Variants in STRAP observed in about 807,000 individuals in gnomAD.
The protein encoded by STRAP is serine-threonine kinase receptor-associated protein.
Under a neutral mutation model 47.0 loss-of-function variants are expected in STRAP, and 16 were observed. That is an observed-to-expected ratio of 0.34 (90% CI 0.23 to 0.52). The LOEUF (loss-of-function observed/expected upper bound fraction) is 0.52, where lower values mean the gene tolerates loss of function less well. Ranked by LOEUF, STRAP falls within the 20% of genes least tolerant of loss-of-function variation. The pLI is 0.96. For missense variants in STRAP, 293 were observed against 420.0 expected, an observed-to-expected ratio of 0.70 and a Z score of 2.64; for synonymous variants, 130 against 142.7, an observed-to-expected ratio of 0.91 and a Z score of 0.63.
intron 6 of STRAP, 69 bp from the exon 7 acceptor site, chr12:15,897,813 C>G: frequency 9.8e-7 from 1 of 1,020,596 alleles, no homozygotes; most frequent in South Asian, 2.6e-5. Context: ...AATTTAAGAA[C>G]AGTTCAAATG....
chr12:15,897,822 T>C, intron 6 of STRAP, 60 bp from the exon 7 acceptor site: 1 of 1,254,390 alleles, frequency 8.0e-7, no homozygotes, highest in Non-Finnish European at 1.1e-6. Context: ...ACAGTTCAAA[T>C]GTAACTCGTT....
At chr12:15,891,237 A>C (rs946401885) in intron 4 of STRAP, among the ~76,000 whole-genome samples, 6 of 152,224 alleles carry the variant, frequency 3.9e-5, no homozygotes, top group Non-Finnish European at 5.9e-5. Flanking sequence ...TTTTATCATT[A>C]AGTTTTAAAA....
At chr12:15,889,335 G>C (rs928139642) in intron 2 of STRAP, among the ~76,000 whole-genome samples, 1 of 152,080 alleles carries the variant, frequency 6.6e-6, no homozygotes, top group African/African-American at 2.4e-5. Flanking sequence ...CTGATAGTTT[G>C]GGGGAAGTTA....
chr12:15,890,774 T>A lies in STRAP; in HGVS notation c.403+105T>A, dbSNP rs1226091750. On this transcript the variant is annotated intron_variant, in intron 4 of 9. Transcript: ENST00000419869. The surrounding 1 kb of genome is among the most constrained non-coding windows in gnomAD (Gnocchi z 4.5). ...ACTCAAATTTGGAAAATAAAGATAGTCATGGCCGGGCACGGTGGCTCATAC... is the reference window on the plus strand; with the variant it reads ...ACTCAAATTTGGAAAATAAAGATAGACATGGCCGGGCACGGTGGCTCATAC... The A allele has an allele frequency of 3.9e-6, 4 of 1,012,892 alleles. No individual in the cohort carries two copies. The highest frequency in any genetic ancestry group is 5.8e-6 in the Non-Finnish European group (4 of 688,396). The allele number at this position is 1,012,892 out of a possible 1,614,324, so 62.7% of individuals were successfully genotyped here.
At chr12:15,899,327 A>C (rs1014458309) in intron 7 of STRAP, among the ~76,000 whole-genome samples, 4 of 152,250 alleles carry the variant, frequency 2.6e-5, no homozygotes, top group Non-Finnish European at 1.5e-5. Context: ...TAAAGGTACT[A>C]CTTGAATATA....
At chr12:15,893,115 A>G (rs1379947048) in intron 4 of STRAP, among the ~76,000 whole-genome samples, 1 of 152,130 alleles carries the variant, frequency 6.6e-6, no homozygotes, top group Non-Finnish European at 1.5e-5. Flanking sequence ...GCCCCTAGAG[A>G]CAGCAGTGAG....
At chr12:15,898,085 C>CAT (rs1025877925) in intron 7 of STRAP, 67 bp downstream of exon 7, 1 of 1,331,760 alleles carries the variant, frequency 7.5e-7, no homozygotes, top group African/African-American at 1.7e-5. Flanking sequence ...ATTAACACCT[C>CAT]ATTTATATAT....
rs1948063846 is a variant in STRAP, at chr12:15,896,828, T to C, written c.639-1054T>C. The stretch of plus-strand genomic sequence containing the variant: ...TTAGTTATACATGACACTTAATTGA[T>C]TTCCATAAGGATTATACCACATTAC... On this transcript the variant is annotated intron_variant, in intron 6 of 9. Coordinates refer to ENST00000419869, the MANE Select transcript of STRAP (RefSeq NM_007178.4). The surrounding 1 kb of genome is among the most constrained non-coding windows in gnomAD (Gnocchi z 4.1). Among the ~76,000 whole-genome samples, 1 of 152,226 alleles carries C rather than the reference T, an allele frequency of 6.6e-6. No individual in the cohort carries two copies. The highest frequency in any genetic ancestry group is 1.5e-5 in the Non-Finnish European group (1 of 68,034).
At position 15,895,499 on chromosome 12, in the gene STRAP, A is replaced by G. The variant is rs759630138; in HGVS notation, c.638+3A>G. On this transcript the variant is annotated splice_donor_region_variant and intron_variant, in intron 6 of 9. Coordinates refer to ENST00000419869, the MANE Select transcript of STRAP (RefSeq NM_007178.4). Reference sequence around the variant, plus strand: ...ATTGCTTTTCATAGTGCAGTAAGGTATGTCCAAGAAATACTTTCATTTTCT... The same window carrying G: ...ATTGCTTTTCATAGTGCAGTAAGGTGTGTCCAAGAAATACTTTCATTTTCT... 2 of 1,584,866 alleles carry G rather than the reference A, an allele frequency of 1.3e-6. No individual in the cohort carries two copies. The highest frequency in any genetic ancestry group is 4.5e-5 in the East Asian group (2 of 44,072).
At chr12:15,893,544 C>T (rs1340602277) in intron 4 of STRAP, among the ~76,000 whole-genome samples, 1 of 143,544 alleles carries the variant, frequency 7.0e-6, no homozygotes, top group Non-Finnish European at 1.5e-5. Flanking sequence ...TACAATAATG[C>T]TTTTATATTT....
rs758070802 is a variant in STRAP at position 15,899,917 on chromosome 12, A to G, written c.789A>G (p.Gly263=). The G allele has an allele frequency of 6.2e-7, 1 of 1,612,678 alleles. No homozygotes were observed. Among genetic ancestry groups the G allele is most frequent in the Non-Finnish European group, 8.5e-7 (1 of 1,179,638 alleles). ...CTTCTTTTTCAGAATCCTACAAGGG[A>G]CACTTTGGTCCTATTCACTGTGTGA... ...NSGEELESYK[G]HFGPIHCVRF... Residue 263 remains glycine, a synonymous_variant, in exon 8 of 10, where the codon GGA becomes GGG. Coordinates refer to ENST00000419869, the MANE Select transcript of STRAP (RefSeq NM_007178.4).
intron 4 of STRAP, among the ~76,000 whole-genome samples, chr12:15,891,430 T>G (rs1948013867): frequency 1.3e-5 from 2 of 152,224 alleles, no homozygotes; most frequent in Non-Finnish European, 2.9e-5. Context: ...CACTAAATAG[T>G]CTATGAACTG....
At chr12:15,885,098 T>C (rs1168408990) in intron 2 of STRAP, among the ~76,000 whole-genome samples, 1 of 152,138 alleles carries the variant, frequency 6.6e-6, no homozygotes, top group African/African-American at 2.4e-5. Context: ...CACTTCATTG[T>C]TTAAACTGAT....
At chr12:15,897,056 TC>T (rs1056505169) in intron 6 of STRAP, among the ~76,000 whole-genome samples, 1 of 152,212 alleles carries the variant, frequency 6.6e-6, no homozygotes, top group African/African-American at 2.4e-5. Flanking sequence ...GTTAGGCAAA[TC>T]CCATGTTGGT....
chr12:15,903,018 A>G lies in STRAP; in HGVS notation c.*40A>G, dbSNP rs1434295092. ...TGCAGTTAGTATACAACTGACTAAA[A>G]CAAGCAAGCAGAGAAAAGCATCAGC... On this transcript the variant is annotated 3_prime_UTR_variant, in exon 10 of 10. Transcript: ENST00000419869. 8 of 1,468,162 alleles carry G rather than the reference A, an allele frequency of 5.4e-6. No individual in the cohort carries two copies. The highest frequency in any genetic ancestry group is 7.2e-6 in the Non-Finnish European group (8 of 1,112,652). The allele number at this position is 1,468,162 out of a possible 1,614,324, so 90.9% of individuals were successfully genotyped here. A position where few individuals can be genotyped will look rare whatever the true frequency, so the allele number is the denominator to read the frequency against.
In STRAP at chr12:15,899,315, C is replaced by T. The variant is rs912546581; in HGVS notation, c.776-589C>T. Reference sequence around the variant, plus strand: ...AGAAAGTAAATGAGAAAGGTTCATACTTAAAGGTACTACTTGAATATAACA... The same window carrying T: ...AGAAAGTAAATGAGAAAGGTTCATATTTAAAGGTACTACTTGAATATAACA... On this transcript the variant is annotated intron_variant, in intron 7 of 9. Transcript: ENST00000419869. 4.6e-5 allele frequency among the ~76,000 whole-genome samples: 7 copies of T among 152,308 alleles called. 1 individual carries two copies. The highest frequency in any genetic ancestry group is 6.8e-3 in the Middle Eastern group (2 of 294).
chr12:15,884,171 T>G (rs187536901), intron 2 of STRAP, among the ~76,000 whole-genome samples: 5 of 152,320 alleles, frequency 3.3e-5, no homozygotes, highest in Admixed American at 3.3e-4. Flanking sequence ...TCTAAAGCAT[T>G]CTTGATTTTC....
chr12:15,894,282 A>G lies in STRAP; in HGVS notation c.500+139A>G. On this transcript the variant is annotated intron_variant, in intron 5 of 9. Transcript: ENST00000419869. The surrounding 1 kb of genome is among the most constrained non-coding windows in gnomAD (Gnocchi z 4.9). ...TAGACCAGCCTGGCCGACATGGCGA[A>G]ATACTGTCTCTATGAAAATTACAAA... The G allele has an allele frequency of 4.9e-6, 3 of 609,820 alleles. No individual in the cohort carries two copies. Among genetic ancestry groups the G allele is most frequent in the Non-Finnish European group, 2.9e-6 (1 of 346,358 alleles). The allele number at this position is 609,820 out of a possible 1,614,324, so 37.8% of individuals were successfully genotyped here.
rs745431738 is a variant in STRAP at position 15,899,977 on chromosome 12, TTC to T, written c.850_851del (p.Ser284ArgfsTer25). On this transcript the variant is annotated frameshift_variant, in exon 8 of 10. Transcript: ENST00000419869. LOFTEE classifies it high-confidence loss of function. Reference sequence around the variant, plus strand: ...CTGATGGAGAACTCTATGCCAGTGGTTCAGAAGATGGAACATTGAGACTATGG... The same window carrying T: ...CTGATGGAGAACTCTATGCCAGTGGTAGAAGATGGAACATTGAGACTATGG... Reference protein sequence around the residue: ...SPDGELYASGSEDGTLRLWQT... With the variant: ...SPDGELYASGXEDGTLRLWQT... 1 of 1,613,854 alleles carries T rather than the reference TTC, an allele frequency of 6.2e-7. No homozygotes were observed. The highest frequency in any genetic ancestry group is 1.3e-5 in the African/African-American group (1 of 75,042).
Sources: gnomAD v4.1 joint callset for allele counts (sites outside exome capture counted in the v4.1 genomes callset) on GRCh38, gnomAD v4.1.1 for gene constraint, Gnocchi (gnomAD v3.1) non-coding constraint, MANE v1.5 for transcripts, NCBI Gene and HGNC (gene_info 2026-07-23, HGNC 2026-07-21) for gene names.